Variants in SEMA3A observed in about 807,000 individuals in gnomAD.
SEMA3A encodes semaphorin-3A.
SEMA3A carries 29 observed loss-of-function variants against 97.9 expected under a neutral mutation model. That is an observed-to-expected ratio of 0.30 (90% CI 0.22 to 0.40). SEMA3A has a LOEUF of 0.40. SEMA3A is among the 10% of genes least tolerant of loss of function. SEMA3A has a pLI of 1.00. For missense variants in SEMA3A, 763 were observed against 951.3 expected, an observed-to-expected ratio of 0.80 and a Z score of 2.60; for synonymous variants, 321 against 323.7, an observed-to-expected ratio of 0.99 and a Z score of 0.09.
At position 84,423,007 on chromosome 7, in the gene SEMA3A, A is replaced by C. The variant is rs563653442; in HGVS notation, c.-245-51107T>G. On this transcript the variant is annotated intron_variant, in intron 1 of 3. Transcript: ENST00000424555. ...TCATCCACACATTCATTGAGCAAATATGTATTTTCACCATCCAGTGATTAA... is the reference window on the plus strand; with the variant it reads ...TCATCCACACATTCATTGAGCAAATCTGTATTTTCACCATCCAGTGATTAA... Among the ~76,000 whole-genome samples the C allele has an allele frequency of 2.6e-5, 4 of 152,148 alleles. No homozygotes were observed. In the South Asian group the frequency reaches 8.3e-4, roughly 32 times the overall value.
chr7:84,404,197 C>A (rs1020703462), intron 1 of SEMA3A, among the ~76,000 whole-genome samples: 5 of 152,178 alleles, frequency 3.3e-5, no homozygotes, highest in African/African-American at 7.2e-5. Context: ...AGAAGTCCTT[C>A]AAGGACCTGA....
At chr7:84,247,693 A>G (rs1029251046) in intron 3 of SEMA3A, among the ~76,000 whole-genome samples, 2 of 152,170 alleles carry the variant, frequency 1.3e-5, no homozygotes, top group South Asian at 2.1e-4. Context: ...AATAAACTCA[A>G]TGATCCACTG....
chr7:83,990,068 G>C (rs1789834620), intron 12 of SEMA3A, among the ~76,000 whole-genome samples: 1 of 151,954 alleles, frequency 6.6e-6, no homozygotes, highest in East Asian at 1.9e-4. Flanking sequence ...CTGATGGCCA[G>C]TGATGATGAG....
chr7:84,172,648 G>A (rs145956277), intron 1 of SEMA3A, among the ~76,000 whole-genome samples: 8,346 of 152,044 alleles, frequency 0.055, 245 homozygotes, highest in Non-Finnish European at 0.068. Flanking sequence ...GGATGGTCTC[G>A]ATCTCCTGAC....
chr7:84,341,709 C>T (rs1029098143), intron 2 of SEMA3A, among the ~76,000 whole-genome samples: 4 of 152,110 alleles, frequency 2.6e-5, no homozygotes, highest in African/African-American at 9.7e-5. Context: ...TTTATTATCA[C>T]ATTCACTGTA....
intron 1 of SEMA3A, among the ~76,000 whole-genome samples, chr7:84,391,661 A>T (rs552165285): frequency 1.3e-5 from 2 of 152,186 alleles, no homozygotes; most frequent in South Asian, 4.1e-4. Context: ...ATTCACTTGA[A>T]AAACATTTTA....
intron 1 of SEMA3A, among the ~76,000 whole-genome samples, chr7:84,374,640 T>C (rs1033405197): frequency 2.6e-5 from 4 of 152,206 alleles, no homozygotes; most frequent in Non-Finnish European, 5.9e-5. Context: ...CACAAAAATA[T>C]AACAGTAAAC....
At chr7:84,485,577 GT>G (rs1806554054) in intron 1 of SEMA3A, among the ~76,000 whole-genome samples, 1 of 151,964 alleles carries the variant, frequency 6.6e-6, no homozygotes, top group Non-Finnish European at 1.5e-5. Context: ...GTTTCACCAT[GT>G]TGCCCAGGCT....
chr7:84,369,505 G>A (rs16887706), intron 2 of SEMA3A, among the ~76,000 whole-genome samples: 18,322 of 150,954 alleles, frequency 0.12, 2,059 homozygotes, highest in East Asian at 0.35. Context: ...GACTTGGTAC[G>A]AAAGAAGAAT....
intron 4 of SEMA3A, among the ~76,000 whole-genome samples, chr7:84,087,197 G>A (rs1427604971): frequency 6.6e-6 from 1 of 152,064 alleles, no homozygotes; most frequent in East Asian, 1.9e-4. Context: ...TGTAGTAAGA[G>A]GTTAGTACTC....
At chr7:84,206,395 T>C (rs1013103107) in intron 3 of SEMA3A, among the ~76,000 whole-genome samples, 4 of 149,388 alleles carry the variant, frequency 2.7e-5, no homozygotes, top group African/African-American at 9.9e-5. Context: ...TGATCTTGGC[T>C]CACTGCAAGC....
chr7:83,980,077 A>C (rs560999771), intron 14 of SEMA3A, among the ~76,000 whole-genome samples: 2 of 152,154 alleles, frequency 1.3e-5, no homozygotes, highest in Non-Finnish European at 2.9e-5. Context: ...ACATGCTGTT[A>C]ATCTTTGGGC....
At chr7:84,019,944 AGGTGTCCTTTATTTTCTTTT>A (rs1396410657) in intron 6 of SEMA3A, among the ~76,000 whole-genome samples, 1 of 147,594 alleles carries the variant, frequency 6.8e-6, no homozygotes, top group Non-Finnish European at 1.5e-5. Context: ...ATTTTTCTTT[AGGTGTCCTTTATTTTCTTTT>A]ACTTCTATAA....
intron 2 of SEMA3A, among the ~76,000 whole-genome samples, chr7:84,312,877 TATATATATA>T (rs1801366099): frequency 7.5e-5 from 1 of 13,272 alleles, no homozygotes; most frequent in African/African-American, 3.3e-4. Context: ...TTGTTTTATA[TATATATATA>T]TATATATATA....
intron 1 of SEMA3A, among the ~76,000 whole-genome samples, chr7:84,167,516 G>A (rs1014103358): frequency 2.0e-5 from 3 of 152,094 alleles, no homozygotes; most frequent in Non-Finnish European, 2.9e-5. Context: ...TTGAATACTA[G>A]AGACACAGAG....
intron 2 of SEMA3A, among the ~76,000 whole-genome samples, chr7:84,371,269 T>G (rs1278781197): frequency 1.3e-5 from 2 of 151,872 alleles, no homozygotes; most frequent in Non-Finnish European, 2.9e-5. Flanking sequence ...ACATATAACA[T>G]GGCTCAGAGA....
In SEMA3A at chr7:84,284,261, T is replaced by C. The variant is rs138268325; in HGVS notation, c.-83+22946A>G. ...GCTTCAAACTTTTGGCTGACACTAG[T>C]TGGTAAAAACAGCAAAGGGACTACC... On this transcript the variant is annotated intron_variant, in intron 3 of 3. Transcript: ENST00000424555. Among the ~76,000 whole-genome samples, 429 of 152,248 alleles carry C rather than the reference T, an allele frequency of 2.8e-3. 9 individuals carry two copies. The East Asian group carries it at 0.06, about 21-fold the overall frequency.
At chr7:84,318,976 G>T (rs1801581665) in intron 2 of SEMA3A, among the ~76,000 whole-genome samples, 2 of 152,070 alleles carry the variant, frequency 1.3e-5, no homozygotes, top group South Asian at 4.1e-4. Context: ...TCATGTATCA[G>T]GCACCAAGGC....
At chr7:84,368,279 T>C (rs575122777) in intron 2 of SEMA3A, among the ~76,000 whole-genome samples, 1 of 151,206 alleles carries the variant, frequency 6.6e-6, no homozygotes, top group Non-Finnish European at 1.5e-5. Context: ...GTTTTTTTTA[T>C]GAAATTTAAT....
Sources: allele counts gnomAD v4.1 joint callset (sites outside exome capture counted in the v4.1 genomes callset), GRCh38; gene constraint gnomAD v4.1.1; transcripts MANE v1.5; gene names NCBI Gene and HGNC (gene_info 2026-07-23, HGNC 2026-07-21).